PRIM2: variants seen among roughly 807,000 people sequenced by gnomAD.
PRIM2 encodes DNA primase large subunit.
Under a neutral mutation model 67.3 loss-of-function variants are expected in PRIM2, and 39 were observed. The ratio of observed to expected loss-of-function variants is 0.58; its 90% CI spans 0.45 to 0.76. The LOEUF (loss-of-function observed/expected upper bound fraction) is 0.76. PRIM2 is among the 30% of genes least tolerant of loss of function. PRIM2 has a pLI of 0.00. For synonymous variants in PRIM2, 143 were observed against 198.7 expected, an observed-to-expected ratio of 0.72 and a Z score of 2.36; for missense variants, 398 against 598.7, an observed-to-expected ratio of 0.66 and a Z score of 3.50.
chr6:57,638,101 T>G (rs1777156694), intron 13 of PRIM2, among the ~76,000 whole-genome samples: 1 of 152,158 alleles, frequency 6.6e-6, no homozygotes, highest in East Asian at 1.9e-4. Context: ...ATATACAACA[T>G]TCTTAAAGAA....
the PRIM2 span, among the ~76,000 whole-genome samples, chr6:57,255,497 CAAAAA>C: frequency 2.3e-5 from 3 of 130,188 alleles, no homozygotes; most frequent in Admixed American, 7.8e-5. Flanking sequence ...GACTCTATCT[CAAAAA>C]AAAAAAAAAA....
chr6:57,520,696 A>G (rs1279552391), intron 8 of PRIM2, among the ~76,000 whole-genome samples: 1 of 152,216 alleles, frequency 6.6e-6, no homozygotes. Flanking sequence ...TTTAAAGGGT[A>G]TAGTTCAATG....
chr6:57,581,612 C>T (rs1420471432), intron 10 of PRIM2, among the ~76,000 whole-genome samples: 5 of 152,172 alleles, frequency 3.3e-5, no homozygotes, highest in South Asian at 2.1e-4. Context: ...AAAATTATCT[C>T]CCGTAGAACT....
chr6:57,263,997 C>T, the PRIM2 span, among the ~76,000 whole-genome samples: 4 of 152,202 alleles, frequency 2.6e-5, no homozygotes, highest in African/African-American at 9.7e-5. Flanking sequence ...TGGGTTTCAA[C>T]TCCTTGGTTG....
chr6:57,627,466 G>A (rs1338891332), intron 12 of PRIM2, among the ~76,000 whole-genome samples: 16 of 151,100 alleles, frequency 1.1e-4, no homozygotes, highest in Non-Finnish European at 2.2e-4. Context: ...TTGGCTCACT[G>A]TAACCTCCAC....
chr6:57,424,166 A>G (rs1771549868), intron 7 of PRIM2, among the ~76,000 whole-genome samples: 1 of 152,210 alleles, frequency 6.6e-6, no homozygotes, highest in African/African-American at 2.4e-5. Flanking sequence ...ACTCCGAGAA[A>G]GTAGAGATTC....
chr6:57,628,596 T>C (rs1582027924), intron 12 of PRIM2, among the ~76,000 whole-genome samples: 1 of 152,200 alleles, frequency 6.6e-6, no homozygotes, highest in Non-Finnish European at 1.5e-5. Context: ...ATTGCCCAAG[T>C]AGTGAACATA....
chr6:57,442,722 A>G (rs1474695460), intron 7 of PRIM2, among the ~76,000 whole-genome samples: 42 of 152,260 alleles, frequency 2.8e-4, no homozygotes, highest in Middle Eastern at 3.4e-3. Flanking sequence ...ATGGGTCACA[A>G]AGTTATGTTA....
At chr6:57,387,133 A>G (rs962881384) in intron 7 of PRIM2, among the ~76,000 whole-genome samples, 22 of 152,210 alleles carry the variant, frequency 1.4e-4, no homozygotes, top group Non-Finnish European at 2.5e-4. Flanking sequence ...TTCCCACAGC[A>G]TTCTGCACAC....
intron 5 of PRIM2, among the ~76,000 whole-genome samples, chr6:57,338,837 G>A (rs1768366676): frequency 6.8e-6 from 1 of 147,660 alleles, no homozygotes; most frequent in East Asian, 2.0e-4. Context: ...TCAACATAGT[G>A]TTGGAAGTTC....
At chr6:57,637,955 C>T (rs1428624100) in intron 13 of PRIM2, among the ~76,000 whole-genome samples, 1 of 152,128 alleles carries the variant, frequency 6.6e-6, no homozygotes, top group Admixed American at 6.5e-5. Flanking sequence ...TTGTCAGATT[C>T]ATCAAGGTTG....
chr6:57,585,211 C>T lies in PRIM2; in HGVS notation c.1021-15882C>T, dbSNP rs1562797306. Among the ~76,000 whole-genome samples, 5 of 152,332 alleles carry T rather than the reference C, an allele frequency of 3.3e-5. No individual in the cohort carries two copies. In the South Asian group the frequency reaches 1.0e-3, roughly 32 times the overall value. ...GTAATTTAAGTGATATTAAACAACACACCGGGTTTGACCTACTCAAGATAG... is the reference window on the plus strand; with the variant it reads ...GTAATTTAAGTGATATTAAACAACATACCGGGTTTGACCTACTCAAGATAG... On this transcript the variant is annotated intron_variant, in intron 10 of 13. Coordinates refer to ENST00000615550, the MANE Select transcript of PRIM2 (RefSeq NM_000947.5).
chr6:57,389,212 C>G (rs1014937040), intron 7 of PRIM2, among the ~76,000 whole-genome samples: 1 of 152,124 alleles, frequency 6.6e-6, no homozygotes, highest in Non-Finnish European at 1.5e-5. Flanking sequence ...TCAAGCAGTC[C>G]GCCTGCCTTA....
the PRIM2 span, among the ~76,000 whole-genome samples, chr6:57,282,991 T>C: frequency 6.6e-6 from 1 of 152,072 alleles, no homozygotes. Flanking sequence ...TTTTTTCTAG[T>C]ACTCTCACTC....
the PRIM2 span, among the ~76,000 whole-genome samples, chr6:57,294,536 A>G: frequency 6.6e-6 from 1 of 151,984 alleles, no homozygotes. Flanking sequence ...CAGTATATAT[A>G]GTATGATTAC....
chr6:57,364,832 AG>A (rs1769306568), intron 5 of PRIM2, among the ~76,000 whole-genome samples: 1 of 152,182 alleles, frequency 6.6e-6, no homozygotes, highest in African/African-American at 2.4e-5. Context: ...TTGGCCAACA[AG>A]TTCCCTTTTA....
the PRIM2 span, chr6:57,221,844 G>A: frequency 6.6e-6 from 1 of 152,530 alleles, no homozygotes; most frequent in African/African-American, 2.4e-5. Flanking sequence ...CCGGGGGATG[G>A]GGGAGCCGGG....
the PRIM2 span, chr6:57,222,427 A>T: frequency 6.6e-6 from 1 of 152,338 alleles, no homozygotes; most frequent in Non-Finnish European, 1.5e-5. Context: ...CCGGGAGGGC[A>T]GTGGGGAGAT....
intron 8 of PRIM2, among the ~76,000 whole-genome samples, chr6:57,524,667 C>CT (rs1267569248): frequency 6.6e-6 from 1 of 152,016 alleles, no homozygotes; most frequent in East Asian, 1.9e-4. Context: ...TACCATTGCA[C>CT]TCCAGCCTGG....
Sources: allele counts gnomAD v4.1 joint callset (sites outside exome capture counted in the v4.1 genomes callset), GRCh38; gene constraint gnomAD v4.1.1; transcripts MANE v1.5; gene names NCBI Gene and HGNC (gene_info 2026-07-23, HGNC 2026-07-21).